Variants in NTRK3 observed in about 807,000 individuals in gnomAD.
NTRK3 encodes NT-3 growth factor receptor.
A neutral mutation model predicts 91.7 loss-of-function variants in NTRK3; 24 were observed. The ratio of observed to expected loss-of-function variants is 0.26; its 90% CI spans 0.19 to 0.37. NTRK3 has a LOEUF of 0.37. Among genes scored for constraint, NTRK3 ranks in the 10% least tolerant of loss-of-function variants. The pLI is 1.00. For synonymous variants in NTRK3, 483 were observed against 404.0 expected (o/e 1.20, Z -2.34); for missense variants, 880 against 1,068.9 (o/e 0.82, Z 2.46).
chr15:88,155,601 T>C (rs1475631646), intron 5 of NTRK3, among the ~76,000 whole-genome samples: 1 of 152,192 alleles, frequency 6.6e-6, no homozygotes, highest in African/African-American at 2.4e-5. Flanking sequence ...GACCAAAATA[T>C]TTACTATGTG....
At position 88,063,620 on chromosome 15, in the gene NTRK3, G is replaced by A. The variant is rs1260673306; in HGVS notation, c.1397-30575C>T. The stretch of plus-strand genomic sequence containing the variant: ...GGAGACTGAGCTATCCTGGGACAGT[G>A]AGTGTGTCCATCACATCTGTAGCTA... On this transcript the variant is annotated intron_variant, in intron 13 of 18. Transcript: ENST00000394480. Among the ~76,000 whole-genome samples, 5 of 152,190 alleles carry A rather than the reference G, an allele frequency of 3.3e-5. No homozygotes were observed. In the East Asian group the frequency reaches 9.6e-4, roughly 29 times the overall value.
intron 13 of NTRK3, among the ~76,000 whole-genome samples, chr15:88,049,663 G>C (rs573851708): frequency 1.3e-5 from 2 of 152,334 alleles, no homozygotes; most frequent in East Asian, 1.9e-4. Flanking sequence ...AACACACTCA[G>C]AACATTGGCC....
At chr15:88,076,285 G>T (rs1400212388) in intron 13 of NTRK3, among the ~76,000 whole-genome samples, 2 of 152,082 alleles carry the variant, frequency 1.3e-5, no homozygotes, top group Non-Finnish European at 2.9e-5. Flanking sequence ...CATAAGACCA[G>T]CACTGGAAAA....
At position 88,207,718 on chromosome 15, in the gene NTRK3, G is replaced by C. The variant is rs1162374311; in HGVS notation, c.249-23419C>G. 4.6e-5 allele frequency among the ~76,000 whole-genome samples: 6 copies of C among 131,220 alleles called. No homozygotes were observed. In the East Asian group the frequency reaches 1.4e-3, roughly 31 times the overall value. The allele number at this position is 131,220 out of a possible 152,430, so 86.1% of individuals were successfully genotyped here. Reference sequence around the variant, plus strand: ...TCCCCAGATAAGGCTATTTTCCCCAGATAAGCCAAGGCCCCTCCTGGCTTC... The same window carrying C: ...TCCCCAGATAAGGCTATTTTCCCCACATAAGCCAAGGCCCCTCCTGGCTTC... On this transcript the variant is annotated intron_variant, in intron 3 of 18. Coordinates refer to ENST00000394480, the Ensembl canonical transcript of NTRK3.
chr15:88,254,454 G>A (rs1305738824), intron 3 of NTRK3, among the ~76,000 whole-genome samples: 4 of 152,294 alleles, frequency 2.6e-5, no homozygotes, highest in East Asian at 1.9e-4. Context: ...GCAGAGCTGA[G>A]ATATGGGTCA....
intron 13 of NTRK3, among the ~76,000 whole-genome samples, chr15:88,065,617 G>A (rs367855749): frequency 2.6e-5 from 4 of 152,194 alleles, no homozygotes; most frequent in East Asian, 3.9e-4. Context: ...CATGATTTTT[G>A]TTCTCATAAA....
At chr15:88,242,926 T>C (rs1314251493) in intron 3 of NTRK3, among the ~76,000 whole-genome samples, 2 of 152,188 alleles carry the variant, frequency 1.3e-5, no homozygotes, top group East Asian at 3.9e-4. Flanking sequence ...GACAGTCCTT[T>C]GGAAAACAGA....
chr15:87,980,990 T>C (rs1034789770), intron 14 of NTRK3, among the ~76,000 whole-genome samples: 1 of 152,154 alleles, frequency 6.6e-6, no homozygotes, highest in Non-Finnish European at 1.5e-5. Context: ...TTCCAGGCCA[T>C]GGTCCTCTCC....
At chr15:87,941,577 C>CGGGTAGCTAAGATTATCT (rs1046845245) in intron 14 of NTRK3, among the ~76,000 whole-genome samples, 3 of 152,086 alleles carry the variant, frequency 2.0e-5, no homozygotes, top group Admixed American at 2.0e-4. Context: ...AGACTACTAA[C>CGGGTAGCTAAGATTATCT]GGGTAGCTAA....
rs908690832 is a variant in NTRK3, at chr15:88,033,145, C to G, written c.1397-100G>C. ...CCCCAACTACTGTTCCCATCACAAA[C>G]ATTTTCTTTTTTTTACTTTTGGGGG... On this transcript the variant is annotated intron_variant, in intron 13 of 18. Transcript: ENST00000394480. 10 of 968,636 alleles carry G rather than the reference C, an allele frequency of 1.0e-5. No homozygotes were observed. The African/African-American group carries it at 2.0e-4, about 20-fold the overall frequency. 60.0% of individuals were successfully genotyped at this position (968,636 alleles called of 1,614,324 possible). A position where few individuals can be genotyped will look rare whatever the true frequency, so the allele number is the denominator to read the frequency against.
At chr15:88,191,615 C>T (rs77112066) in intron 3 of NTRK3, among the ~76,000 whole-genome samples, 4,544 of 152,314 alleles carry the variant, frequency 0.03, 214 homozygotes, top group African/African-American at 0.1. Context: ...CATGAATGCA[C>T]GTGTGCACAC....
intron 5 of NTRK3, among the ~76,000 whole-genome samples, chr15:88,159,407 G>A (rs2044225262): frequency 6.6e-6 from 1 of 152,150 alleles, no homozygotes; most frequent in Admixed American, 6.5e-5. Context: ...AGAATCACCT[G>A]GAGGCTTGGA....
intron 17 of NTRK3, among the ~76,000 whole-genome samples, chr15:87,898,370 A>G (rs2066253946): frequency 6.6e-6 from 1 of 152,120 alleles, no homozygotes. Flanking sequence ...AAGCAGTTTA[A>G]AGGAGCTGCC....
intron 14 of NTRK3, chr15:87,979,535 T>C (rs907591273): frequency 1.0e-6 from 1 of 1,001,090 alleles, no homozygotes. Flanking sequence ...CCAAAGAAGA[T>C]CAAAACTAGG....
chr15:87,979,203 A>C, intron 14 of NTRK3: 2 of 746,172 alleles, frequency 2.7e-6, no homozygotes, highest in Non-Finnish European at 4.9e-6. Flanking sequence ...GGTGGTGTTA[A>C]AGGGTGCCGG....
intron 14 of NTRK3, among the ~76,000 whole-genome samples, chr15:87,944,287 C>A (rs1054852798): frequency 7.2e-5 from 11 of 152,174 alleles, no homozygotes; most frequent in Admixed American, 7.2e-4. Context: ...ATGTGGACAA[C>A]CCCATGCATC....
chr15:87,993,979 A>C (rs2075487260), intron 14 of NTRK3, among the ~76,000 whole-genome samples: 1 of 152,232 alleles, frequency 6.6e-6, no homozygotes, highest in Non-Finnish European at 1.5e-5. Flanking sequence ...AGAAAGTAAA[A>C]AGGAAAAGAG....
intron 13 of NTRK3, among the ~76,000 whole-genome samples, chr15:88,051,795 T>G (rs774988583): frequency 2.2e-4 from 33 of 152,340 alleles, no homozygotes; most frequent in Non-Finnish European, 2.9e-5. Flanking sequence ...TTAACCCCCA[T>G]GATAATTACT....
In NTRK3 at chr15:87,940,999, C is replaced by T. The variant is rs528853755; in HGVS notation, c.1586-246G>A. On this transcript the variant is annotated intron_variant, in intron 14 of 18. Coordinates refer to ENST00000394480, the Ensembl canonical transcript of NTRK3. ...TAACCCCTCTAAACCACAACATCCT[C>T]TGCTGGCAAATGGAGTTAGTAGTTA... Among the ~76,000 whole-genome samples the T allele has an allele frequency of 3.9e-5, 6 of 152,310 alleles. No individual in the cohort carries two copies. In the South Asian group the frequency reaches 1.2e-3, roughly 32 times the overall value.
Sources: allele counts gnomAD v4.1 joint callset (sites outside exome capture counted in the v4.1 genomes callset), GRCh38; gene constraint gnomAD v4.1.1; transcripts MANE v1.5; gene names NCBI Gene and HGNC (gene_info 2026-07-23, HGNC 2026-07-21).